Variants in BNIP3 observed in about 807,000 individuals in gnomAD.
BNIP3 encodes the protein BCL2 interacting protein 3.
A neutral mutation model predicts 23.9 loss-of-function variants in BNIP3; 16 were observed. That is an observed-to-expected ratio of 0.67 (90% CI 0.45 to 1.01). The LOEUF (loss-of-function observed/expected upper bound fraction) is 1.01. BNIP3 is among the 50% of genes least tolerant of loss of function. BNIP3 has a pLI of 0.00. For synonymous variants in BNIP3, 81 were observed against 89.3 expected (o/e 0.91, Z 0.53); for missense variants, 198 against 248.7 (o/e 0.80, Z 1.37).
Position 131,968,104 on chromosome 10 carries a change from T to A in BNIP3, c.*420A>T, listed in dbSNP as rs900611733. On this transcript the variant is annotated 3_prime_UTR_variant, in exon 6 of 6. Transcript: ENST00000368636. Reference sequence around the variant, plus strand: ...GATATATAAGGCCACAATATTTATTTTGGACAAACCCCTTAAAGTAGCGAT... The same window carrying A: ...GATATATAAGGCCACAATATTTATTATGGACAAACCCCTTAAAGTAGCGAT... 6.4e-6 allele frequency: 1 copy of A among 156,100 alleles called. No homozygotes were observed. Among genetic ancestry groups the A allele is most frequent in the Admixed American group, 6.3e-5 (1 of 15,990 alleles). 9.7% of individuals were successfully genotyped at this position (156,100 alleles called of 1,614,324 possible). A position where few individuals can be genotyped will look rare whatever the true frequency, so the allele number is the denominator to read the frequency against.
At chr10:131,980,798 T>C (rs1335508537) in intron 1 of BNIP3, 4 of 152,210 alleles carry the variant, frequency 2.6e-5, no homozygotes, top group Non-Finnish European at 2.9e-5. Context: ...CCCAAGCTTA[T>C]TTACATGCTA....
chr10:131,977,860 C>G (rs941413312), intron 1 of BNIP3, among the ~76,000 whole-genome samples: 2 of 152,132 alleles, frequency 1.3e-5, no homozygotes, highest in Admixed American at 6.5e-5. Context: ...GAATGATTTA[C>G]TAAGGGACAG....
chr10:131,969,398 GA>G, intron 5 of BNIP3: 1 of 152,276 alleles, frequency 6.6e-6, no homozygotes. Context: ...GACAGTTCTG[GA>G]AAAGGCTCCA....
chr10:131,969,604 T>C (rs892390840), intron 5 of BNIP3: 5 of 152,284 alleles, frequency 3.3e-5, no homozygotes, highest in African/African-American at 1.2e-4. Flanking sequence ...CAGTGGCTTT[T>C]ATCCCGTTTC....
At chr10:131,975,617 C>T (rs574818816) in intron 1 of BNIP3, among the ~76,000 whole-genome samples, 1 of 152,134 alleles carries the variant, frequency 6.6e-6, no homozygotes, top group Non-Finnish European at 1.5e-5. Context: ...TCCACACACA[C>T]GAGGCATCTC....
At chr10:131,978,647 A>G (rs1432658268) in intron 1 of BNIP3, among the ~76,000 whole-genome samples, 1 of 152,200 alleles carries the variant, frequency 6.6e-6, no homozygotes, top group East Asian at 1.9e-4. Flanking sequence ...AGGGAGAATC[A>G]CCTGTGGTGT....
chr10:131,981,722 C>T, intron 1 of BNIP3, 39 bp downstream of exon 1: 2 of 1,454,836 alleles, frequency 1.4e-6, no homozygotes, highest in Non-Finnish European at 1.8e-6. Flanking sequence ...GCTTCCCCCC[C>T]GCGCCCCCTC....
intron 1 of BNIP3, among the ~76,000 whole-genome samples, chr10:131,979,079 C>A (rs2133696161): frequency 6.6e-6 from 1 of 152,306 alleles, no homozygotes; most frequent in East Asian, 1.9e-4. Context: ...CCAGGACCCT[C>A]CAGGGCCTAT....
At chr10:131,972,726 T>TG (rs2037045768) in intron 3 of BNIP3, among the ~76,000 whole-genome samples, 1 of 152,192 alleles carries the variant, frequency 6.6e-6, no homozygotes, top group Non-Finnish European at 1.5e-5. Flanking sequence ...CTCTCTAGGC[T>TG]GCAGCCACCA....
chr10:131,976,244 G>T lies in BNIP3; in HGVS notation c.47-2301C>A, dbSNP rs1387456097. Among the ~76,000 whole-genome samples, 3 of 152,196 alleles carry T rather than the reference G, an allele frequency of 2.0e-5. No homozygotes were observed. Among genetic ancestry groups the T allele is most frequent in the African/African-American group, 7.2e-5 (3 of 41,444 alleles). Reference sequence around the variant, plus strand: ...CTATCTGACGATATGGAACACAAATGCAACTTGAAGGTGTGGTGTCTCTTC... The same window carrying T: ...CTATCTGACGATATGGAACACAAATTCAACTTGAAGGTGTGGTGTCTCTTC... On this transcript the variant is annotated intron_variant, in intron 1 of 5. Transcript: ENST00000368636. The surrounding 1 kb of genome is among the most constrained non-coding windows in gnomAD (Gnocchi z 4.3).
intron 5 of BNIP3, 67 bp from the exon 6 acceptor site, chr10:131,968,636 A>G: frequency 7.0e-7 from 1 of 1,420,602 alleles, no homozygotes; most frequent in South Asian, 1.2e-5. Flanking sequence ...TACAGCTGAA[A>G]CAGGGTAGCT....
chr10:131,970,194 G>C lies in BNIP3; in HGVS notation c.539+444C>G, dbSNP rs2037014411. The C allele has an allele frequency of 5.8e-6, 1 of 172,718 alleles. No individual in the cohort carries two copies. The highest frequency in any genetic ancestry group is 2.4e-5 in the African/African-American group (1 of 41,758). The allele number at this position is 172,718 out of a possible 1,614,324, so 10.7% of individuals were successfully genotyped here. A position where few individuals can be genotyped will look rare whatever the true frequency, so the allele number is the denominator to read the frequency against. The stretch of plus-strand genomic sequence containing the variant: ...ACTCAAGCCAGTAAAGTCGGAGACT[G>C]CATTGGTTCCTTCATTGCTGAGAGT... On this transcript the variant is annotated intron_variant, in intron 5 of 5. Transcript: ENST00000368636. The surrounding 1 kb of genome is among the most constrained non-coding windows in gnomAD (Gnocchi z 4.1).
Position 131,970,583 on chromosome 10 carries a change from C to T in BNIP3, c.539+55G>A, listed in dbSNP as rs2037020842. Reference sequence around the variant, plus strand: ...ACAGGTTACGAATAAATCACTGCAACCCAGAATCGCCCCACGACATGCCAT... The same window carrying T: ...ACAGGTTACGAATAAATCACTGCAATCCAGAATCGCCCCACGACATGCCAT... On this transcript the variant is annotated intron_variant, in intron 5 of 5. Transcript: ENST00000368636. This position sits in a 1 kb window ranked among gnomAD's most constrained non-coding sequence, Gnocchi z 4.1. 2 of 1,588,216 alleles carry T rather than the reference C, an allele frequency of 1.3e-6. No individual in the cohort carries two copies. The highest frequency in any genetic ancestry group is 1.3e-5 in the African/African-American group (1 of 74,316).
chr10:131,970,843 T>C lies in BNIP3; in HGVS notation c.389+21A>G. The C allele has an allele frequency of 8.7e-6, 14 of 1,614,250 alleles. No homozygotes were observed. Among genetic ancestry groups the C allele is most frequent in the Non-Finnish European group, 1.2e-5 (14 of 1,180,030 alleles). ...TGTCCTCTGTCAAGGGGTGCCCCCG[T>C]GACACTGAGAACACACTCACTTGGG... On this transcript the variant is annotated intron_variant, in intron 4 of 5. Transcript: ENST00000368636. The surrounding 1 kb of genome is among the most constrained non-coding windows in gnomAD (Gnocchi z 4.1).
chr10:131,973,008 A>T, intron 3 of BNIP3, 26 bp downstream of exon 3: 3 of 1,594,790 alleles, frequency 1.9e-6, no homozygotes, highest in Non-Finnish European at 1.7e-6. Flanking sequence ...ATACTTTTAC[A>T]ACTGCACATT....
Position 131,968,570 on chromosome 10 carries a change from C to A in BNIP3, c.540-1G>T. 1 of 1,597,892 alleles carries A rather than the reference C, an allele frequency of 6.3e-7. No individual in the cohort carries two copies. The highest frequency in any genetic ancestry group is 8.6e-7 in the Non-Finnish European group (1 of 1,165,798). ...TGTCAGACGCCTTCCAATATAGATC[C>A]TTCACAGAAAAATTATCAGTAGTTA... On this transcript the variant is annotated splice_acceptor_variant, in intron 5 of 5. Transcript: ENST00000368636. LOFTEE classifies it high-confidence loss of function.
In BNIP3 at chr10:131,970,838, C is replaced by T. The variant is rs2037025178; in HGVS notation, c.389+26G>A. The stretch of plus-strand genomic sequence containing the variant: ...TGATGTGTCCTCTGTCAAGGGGTGC[C>T]CCCGTGACACTGAGAACACACTCAC... On this transcript the variant is annotated intron_variant, in intron 4 of 5. Coordinates refer to ENST00000368636, the MANE Select transcript of BNIP3 (RefSeq NM_004052.4). This position sits in a 1 kb window ranked among gnomAD's most constrained non-coding sequence, Gnocchi z 4.1. 1 of 1,614,094 alleles carries T rather than the reference C, an allele frequency of 6.2e-7. No individual in the cohort carries two copies. Among genetic ancestry groups the T allele is most frequent in the African/African-American group, 1.3e-5 (1 of 74,924 alleles).
At position 131,970,697 on chromosome 10, in the gene BNIP3, T is replaced by A. The variant is rs2037022992; in HGVS notation, c.480A>T (p.Glu160Asp). 1 of 1,614,056 alleles carries A rather than the reference T, an allele frequency of 6.2e-7. No individual in the cohort carries two copies. The change falls in exon 5 of 6, where the codon GAA becomes GAT. Residue 160 changes from glutamate (E) to aspartate (D), a missense_variant. Glu to Asp is a conservative substitution (Grantham distance 45). Transcript: ENST00000368636. The surrounding 1 kb of genome is among the most constrained non-coding windows in gnomAD (Gnocchi z 4.1). ...VMKKGGIFSA[E>D]FLKVFLPSLL... ...GAGATGGAAGGAAAACTTTCAGAAA[T>A]TCTGCAGAGAATATGCCCCCTTTCT... is the stretch of plus-strand genomic sequence containing the variant.
intron 3 of BNIP3, among the ~76,000 whole-genome samples, chr10:131,972,770 T>TG (rs1479692938): frequency 6.6e-6 from 1 of 152,170 alleles, no homozygotes; most frequent in Non-Finnish European, 1.5e-5. Context: ...GTATCCCTGA[T>TG]GGCAGGCAGG....
Sources: gnomAD v4.1 joint callset for allele counts (sites outside exome capture counted in the v4.1 genomes callset) on GRCh38, gnomAD v4.1.1 for gene constraint, Gnocchi (gnomAD v3.1) non-coding constraint, MANE v1.5 for transcripts, NCBI Gene and HGNC (gene_info 2026-07-23, HGNC 2026-07-21) for gene names.